F13B: variants seen among roughly 807,000 people sequenced by gnomAD.
F13B encodes TGase.
A neutral mutation model predicts 79.8 loss-of-function variants in F13B; 58 were observed. The observed-to-expected ratio is 0.73, with a 90% CI of 0.59 to 0.90. The LOEUF is 0.90. F13B is among the 40% of genes least tolerant of loss of function. The pLI is 0.00. For missense variants in F13B, 773 were observed against 777.0 expected, an observed-to-expected ratio of 0.99 and a Z score of 0.06; for synonymous variants, 283 against 260.3, an observed-to-expected ratio of 1.09 and a Z score of -0.84.
At chr1:197,053,970 A>G (rs961455252) in intron 8 of F13B, among the ~76,000 whole-genome samples, 1 of 152,096 alleles carries the variant, frequency 6.6e-6, no homozygotes, top group Non-Finnish European at 1.5e-5. Flanking sequence ...GAGAGTATGG[A>G]GAGGTTAGAG....
intron 10 of F13B, among the ~76,000 whole-genome samples, chr1:197,041,341 T>C (rs1655029572): frequency 6.6e-6 from 1 of 152,178 alleles, no homozygotes; most frequent in African/African-American, 2.4e-5. Context: ...CTTTCCCATG[T>C]ATCGTAAACC....
chr1:197,067,094 T>C (rs1656084995), intron 1 of F13B, 66 bp downstream of exon 1: 1 of 864,376 alleles, frequency 1.2e-6, no homozygotes, highest in South Asian at 1.8e-5. Context: ...AAACTTGAGT[T>C]GTATAAATAT....
At chr1:197,046,598 A>G (rs144892748) in intron 10 of F13B, among the ~76,000 whole-genome samples, 2,347 of 152,332 alleles carry the variant, frequency 0.015, 24 homozygotes, top group Non-Finnish European at 0.023. Context: ...AAGGTAATTT[A>G]TAGATTCAAT....
intron 10 of F13B, among the ~76,000 whole-genome samples, chr1:197,043,518 A>G (rs1422101586): frequency 6.6e-6 from 1 of 152,238 alleles, no homozygotes; most frequent in African/African-American, 2.4e-5. Flanking sequence ...AATAAAAAGT[A>G]TGAATTATAT....
At chr1:197,067,096 T>C (rs1656085107) in intron 1 of F13B, 64 bp downstream of exon 1, 3 of 908,162 alleles carry the variant, frequency 3.3e-6, no homozygotes, top group East Asian at 2.6e-5. Flanking sequence ...ACTTGAGTTG[T>C]ATAAATATTA....
At chr1:197,059,313 G>T (rs1194155802) in intron 5 of F13B, among the ~76,000 whole-genome samples, 1 of 152,142 alleles carries the variant, frequency 6.6e-6, no homozygotes, top group Non-Finnish European at 1.5e-5. Context: ...GAGCACAAAT[G>T]AAAAATCATA....
At chr1:197,063,913 G>A (rs1627765) in intron 1 of F13B, among the ~76,000 whole-genome samples, 118,170 of 151,962 alleles carry the variant, frequency 0.78, 49,499 homozygotes, top group East Asian at 1. Context: ...TCAGGAATAG[G>A]TAAAGTTTCT....
At chr1:197,042,750 G>A (rs1242184303) in intron 10 of F13B, among the ~76,000 whole-genome samples, 1 of 60,426 alleles carries the variant, frequency 1.7e-5, no homozygotes, top group African/African-American at 3.9e-5. Flanking sequence ...GAACCTAGAA[G>A]GTGGAGGTTG....
Position 197,039,330 on chromosome 1 carries a change from GA to G in F13B, c.*47del, listed in dbSNP as rs767730416. 6.9e-7 allele frequency: 1 copy of G among 1,454,738 alleles called. No homozygotes were observed. The highest frequency in any genetic ancestry group is 9.6e-7 in the Non-Finnish European group (1 of 1,041,266). The allele number at this position is 1,454,738 out of a possible 1,614,324, so 90.1% of individuals were successfully genotyped here. On this transcript the variant is annotated 3_prime_UTR_variant, in exon 12 of 12. Coordinates refer to ENST00000367412, the MANE Select transcript of F13B (RefSeq NM_001994.3). The stretch of plus-strand genomic sequence containing the variant: ...TTTCCTCAAAATTATATTTTATAAG[GA>G]ATTTCATGATGTATTGAAATATGAC...
At chr1:197,045,320 A>G (rs905531346) in intron 10 of F13B, among the ~76,000 whole-genome samples, 1 of 152,204 alleles carries the variant, frequency 6.6e-6, no homozygotes, top group African/African-American at 2.4e-5. Flanking sequence ...AAAATATAAT[A>G]AAGGGAATAT....
chr1:197,040,509 A>T lies in F13B; in HGVS notation c.1952+13T>A. On this transcript the variant is annotated intron_variant, in intron 11 of 11. Coordinates refer to ENST00000367412, the MANE Select transcript of F13B (RefSeq NM_001994.3). ...AAAAAAAATAATCTGACCAAAAAAA[A>T]AAAACTTCTTACCTTTGTCTTGGAA... The T allele has an allele frequency of 6.2e-7, 1 of 1,604,400 alleles. No individual in the cohort carries two copies. Among genetic ancestry groups the T allele is most frequent in the Admixed American group, 1.7e-5 (1 of 59,810 alleles).
At position 197,063,003 on chromosome 1, in the gene F13B, T is replaced by C. The variant is rs1453580885; in HGVS notation, c.119A>G (p.Tyr40Cys). The C allele has an allele frequency of 1.9e-6, 3 of 1,613,464 alleles. No homozygotes were observed. Among genetic ancestry groups the C allele is most frequent in the Non-Finnish European group, 2.5e-6 (3 of 1,179,704 alleles). The change falls in exon 2 of 12, where the codon TAT becomes TGT. Residue 40 changes from tyrosine to cysteine, a missense_variant. Tyr to Cys is a radical substitution (Grantham distance 194, BLOSUM62 -2). Transcript: ENST00000367412. ...TGGAAAGTAAAAGCTTTTAAAAGTA[T>C]AGTAATATTGGGCAATTCTTCCATT... ...VENGRIAQYY[Y>C]TFKSFYFPMS...
At chr1:197,060,230 T>C in intron 5 of F13B, 136 bp downstream of exon 5, 2 of 588,978 alleles carry the variant, frequency 3.4e-6, no homozygotes, top group South Asian at 5.7e-5. Flanking sequence ...TAGCACTGAT[T>C]TAAAAGATAA....
At chr1:197,064,875 A>G (rs1794009) in intron 1 of F13B, among the ~76,000 whole-genome samples, 151,940 of 152,298 alleles carry the variant, frequency 1, 75,791 homozygotes, top group Middle Eastern at 1. Flanking sequence ...AAGAAGGCCT[A>G]GATCCAGTGT....
chr1:197,050,539 G>A lies in F13B; in HGVS notation c.1738+158C>T, dbSNP rs532421593. On this transcript the variant is annotated intron_variant, in intron 10 of 11. Transcript: ENST00000367412. ...CTGAACTATAGGTATTTATGATCTA[G>A]AGGAAAGAATAGAAAGCAGTGATAA... Among the ~76,000 whole-genome samples, 6 of 152,172 alleles carry A rather than the reference G, an allele frequency of 3.9e-5. No individual in the cohort carries two copies. The South Asian group carries it at 1.0e-3, about 26-fold the overall frequency.
In F13B at chr1:197,038,904, T is replaced by A. The variant is rs1459764789; in HGVS notation, c.*474A>T. On this transcript the variant is annotated 3_prime_UTR_variant, in exon 12 of 12. Coordinates refer to ENST00000367412, the MANE Select transcript of F13B (RefSeq NM_001994.3). ...TACATTTAGAAAGTCTGAAGGGCAG[T>A]CTCTTCTGCCTTTAATAAGGCAGAT... Among the ~76,000 whole-genome samples the A allele has an allele frequency of 1.3e-5, 2 of 152,198 alleles. No homozygotes were observed. The highest frequency in any genetic ancestry group is 2.9e-5 in the Non-Finnish European group (2 of 67,974).
At chr1:197,041,400 AT>A (rs961563612) in intron 10 of F13B, among the ~76,000 whole-genome samples, 1 of 152,050 alleles carries the variant, frequency 6.6e-6, no homozygotes, top group Non-Finnish European at 1.5e-5. Context: ...AACCTCTTCG[AT>A]TTTTTTTACA....
At chr1:197,043,310 T>G (rs563680334) in intron 10 of F13B, among the ~76,000 whole-genome samples, 1 of 152,162 alleles carries the variant, frequency 6.6e-6, no homozygotes, top group Non-Finnish European at 1.5e-5. Context: ...TTATTTCTAA[T>G]TGTATTAAAA....
At chr1:197,051,117 C>A (rs1349549215) in intron 9 of F13B, among the ~76,000 whole-genome samples, 1 of 152,074 alleles carries the variant, frequency 6.6e-6, no homozygotes, top group Non-Finnish European at 1.5e-5. Flanking sequence ...CTATGTTGCT[C>A]AGGTTGGTCT....
Sources: allele counts gnomAD v4.1 joint callset (sites outside exome capture counted in the v4.1 genomes callset), GRCh38; gene constraint gnomAD v4.1.1; transcripts MANE v1.5; gene names NCBI Gene and HGNC (gene_info 2026-07-23, HGNC 2026-07-21).